ACTR3C: variants seen among roughly 807,000 people sequenced by gnomAD.
ACTR3C encodes actin-related protein 3C.
ACTR3C carries 18 observed loss-of-function variants against 26.3 expected under a neutral mutation model. That is an observed-to-expected ratio of 0.68 (90% CI 0.47 to 1.01). The LOEUF (loss-of-function observed/expected upper bound fraction) is 1.01. ACTR3C is among the 50% of genes least tolerant of loss of function. ACTR3C has a pLI of 0.00. For synonymous variants in ACTR3C, 55 were observed against 94.5 expected (o/e 0.58, Z 2.42); for missense variants, 184 against 250.7 (o/e 0.73, Z 1.80).
the ACTR3C span, among the ~76,000 whole-genome samples, chr7:150,034,263 C>T: frequency 5.5e-5 from 8 of 146,680 alleles, 1 homozygote; most frequent in Non-Finnish European, 1.1e-4. Flanking sequence ...CAACTAAAAA[C>T]CTAGTTGTTT....
At chr7:150,019,364 A>G in the ACTR3C span, among the ~76,000 whole-genome samples, 3 of 149,924 alleles carry the variant, frequency 2.0e-5, no homozygotes, top group South Asian at 6.3e-4. Flanking sequence ...GAGGCCAAGG[A>G]GGGCAGATCA....
chr7:150,049,809 G>C, the ACTR3C span, among the ~76,000 whole-genome samples: 1 of 152,194 alleles, frequency 6.6e-6, no homozygotes, highest in African/African-American at 2.4e-5. Flanking sequence ...CTCATCTTCT[G>C]TTTACTCCAC....
At chr7:150,039,824 C>A in the ACTR3C span, among the ~76,000 whole-genome samples, 11 of 130,930 alleles carry the variant, frequency 8.4e-5, no homozygotes, top group Admixed American at 6.5e-4. Flanking sequence ...GCGGGGGGTG[C>A]CTCCGCCCCC....
chr7:149,903,667 G>A, the ACTR3C span, among the ~76,000 whole-genome samples: 20,715 of 149,714 alleles, frequency 0.14, 1,248 homozygotes, highest in East Asian at 0.32. Flanking sequence ...TCAGCCTCCC[G>A]AGTAGCTGGG....
At chr7:150,035,084 T>C in the ACTR3C span, among the ~76,000 whole-genome samples, 8 of 136,500 alleles carry the variant, frequency 5.9e-5, no homozygotes, top group Non-Finnish European at 1.1e-4. Context: ...GATTTGAACT[T>C]TCTACTTGGA....
At chr7:150,089,833 A>T in the ACTR3C span, among the ~76,000 whole-genome samples, 1 of 152,242 alleles carries the variant, frequency 6.6e-6, no homozygotes, top group Non-Finnish European at 1.5e-5. Flanking sequence ...GGAATTGGGC[A>T]CAAGTCTGGC....
chr7:149,896,936 C>T, the ACTR3C span, among the ~76,000 whole-genome samples: 8 of 151,788 alleles, frequency 5.3e-5, no homozygotes, highest in Admixed American at 5.3e-4. Flanking sequence ...GGGCAGGCAC[C>T]TATAATCCCA....
At chr7:150,214,547 T>C in the ACTR3C span, among the ~76,000 whole-genome samples, 1 of 151,248 alleles carries the variant, frequency 6.6e-6, no homozygotes, top group Non-Finnish European at 1.5e-5. Flanking sequence ...CTTGGAAAAA[T>C]GATGAGCCTC....
chr7:149,936,609 G>A, the ACTR3C span, among the ~76,000 whole-genome samples: 1 of 152,148 alleles, frequency 6.6e-6, no homozygotes, highest in Non-Finnish European at 1.5e-5. Flanking sequence ...AGCAGTTAGT[G>A]TTTATCCTTG....
intron 6 of ACTR3C, among the ~76,000 whole-genome samples, chr7:150,261,814 G>C (rs1584861164): frequency 6.6e-6 from 1 of 152,274 alleles, no homozygotes; most frequent in East Asian, 1.9e-4. Flanking sequence ...TGAAGTACTA[G>C]CTCCTGAAAT....
chr7:150,179,814 G>A, the ACTR3C span, among the ~76,000 whole-genome samples: 1 of 151,606 alleles, frequency 6.6e-6, no homozygotes, highest in South Asian at 2.1e-4. Context: ...ATTTTTACAT[G>A]TTAATGTATA....
At chr7:150,263,117 A>G (rs1488240812) in intron 6 of ACTR3C, among the ~76,000 whole-genome samples, 1 of 152,102 alleles carries the variant, frequency 6.6e-6, no homozygotes, top group Non-Finnish European at 1.5e-5. Flanking sequence ...GGAAGAGATG[A>G]GCACATTAAA....
the ACTR3C span, among the ~76,000 whole-genome samples, chr7:149,915,413 A>G: frequency 6.6e-6 from 1 of 152,136 alleles, no homozygotes; most frequent in African/African-American, 2.4e-5. Flanking sequence ...TGAATAAGCT[A>G]TTACTCCTAC....
At chr7:149,900,518 A>G in the ACTR3C span, among the ~76,000 whole-genome samples, 9 of 152,256 alleles carry the variant, frequency 5.9e-5, no homozygotes, top group South Asian at 1.9e-3. Flanking sequence ...ATTAAAAAGA[A>G]TGGCTAAAGG....
At chr7:150,075,567 AT>A in the ACTR3C span, among the ~76,000 whole-genome samples, 1 of 152,190 alleles carries the variant, frequency 6.6e-6, no homozygotes, top group Admixed American at 6.5e-5. Context: ...CTCCTGGGAC[AT>A]TTAAAAAAGG....
the ACTR3C span, among the ~76,000 whole-genome samples, chr7:150,026,465 A>C: frequency 2.5e-4 from 38 of 152,256 alleles, 1 homozygote; most frequent in African/African-American, 8.4e-4. Context: ...AACAGCTATT[A>C]ATGCCATACT....
the ACTR3C span, among the ~76,000 whole-genome samples, chr7:150,029,797 C>T: frequency 1.7e-4 from 26 of 152,144 alleles, no homozygotes; most frequent in Middle Eastern, 3.4e-3. Flanking sequence ...CCCACATGCA[C>T]GAGTCTCCAG....
At chr7:150,279,148 A>T (rs77291184) in intron 6 of ACTR3C, among the ~76,000 whole-genome samples, 3,622 of 152,068 alleles carry the variant, frequency 0.024, 132 homozygotes, top group African/African-American at 0.082. Flanking sequence ...ACAAAAAAAA[A>T]TTTTTAATTA....
the ACTR3C span, among the ~76,000 whole-genome samples, chr7:150,081,853 G>A: frequency 6.6e-6 from 1 of 151,516 alleles, no homozygotes; most frequent in Non-Finnish European, 1.5e-5. Flanking sequence ...ACAGGCTCAG[G>A]AGGCCCTGGG....
Sources: gnomAD v4.1 joint callset for allele counts (sites outside exome capture counted in the v4.1 genomes callset) on GRCh38, gnomAD v4.1.1 for gene constraint, MANE v1.5 for transcripts, NCBI Gene and HGNC (gene_info 2026-07-23, HGNC 2026-07-21) for gene names.